The following ITGA4 variants were observed in gnomAD, a reference collection of about 807,000 sequenced individuals.
ITGA4 encodes integrin alpha-4.
A neutral mutation model predicts 133.6 loss-of-function variants in ITGA4; 63 were observed. That is an observed-to-expected ratio of 0.47 (90% CI 0.38 to 0.58). The LOEUF is 0.58. Ranked by LOEUF, ITGA4 falls within the 20% of genes least tolerant of loss-of-function variation. The pLI, the probability that ITGA4 is intolerant of heterozygous loss-of-function variation, is 0.00. For synonymous variants in ITGA4, 483 were observed against 438.0 expected, an observed-to-expected ratio of 1.10 and a Z score of -1.28; for missense variants, 1,076 against 1,252.7, an observed-to-expected ratio of 0.86 and a Z score of 2.13.
At chr2:181,467,240 GT>G (rs1307116247) in intron 2 of ITGA4, among the ~76,000 whole-genome samples, 1 of 150,896 alleles carries the variant, frequency 6.6e-6, no homozygotes, top group Non-Finnish European at 1.5e-5. Context: ...AAAAAAGACA[GT>G]TGGTGGAAGG....
chr2:181,526,821 C>CTTTGTTGTTTTTTTTTTTTTT (rs1686838817), intron 21 of ITGA4, among the ~76,000 whole-genome samples: 1 of 40,994 alleles, frequency 2.4e-5, no homozygotes, highest in East Asian at 9.2e-4. Context: ...AGCACATGGC[C>CTTTGTTGTTTTTTTTTTTTTT]TTTTTTTTTT....
At position 181,536,942 on chromosome 2, in the gene ITGA4, G is replaced by T. The variant is rs1035779710; in HGVS notation, c.*1415G>T. 1 of 453,482 alleles carries T rather than the reference G, an allele frequency of 2.2e-6. No homozygotes were observed. The highest frequency in any genetic ancestry group is 4.4e-6 in the Non-Finnish European group (1 of 226,546). The allele number at this position is 453,482 out of a possible 1,614,324, so 28.1% of individuals were successfully genotyped here. On this transcript the variant is annotated 3_prime_UTR_variant, in exon 28 of 28. Coordinates refer to ENST00000397033, the MANE Select transcript of ITGA4 (RefSeq NM_000885.6). ...AATTCTGGGAAAGATTTCTTTATAT[G>T]AAGTCCCTGCCACTAGCCAGCCATC...
chr2:181,476,373 G>A (rs935383840), intron 4 of ITGA4, among the ~76,000 whole-genome samples: 11 of 152,062 alleles, frequency 7.2e-5, no homozygotes, highest in African/African-American at 2.7e-4. Context: ...TAAAATACAG[G>A]ATCAGGTAAG....
chr2:181,533,049 A>G (rs933153237), intron 25 of ITGA4, among the ~76,000 whole-genome samples: 15 of 148,190 alleles, frequency 1.0e-4, no homozygotes, highest in African/African-American at 3.5e-4. Flanking sequence ...CAACAACAAA[A>G]ACATATTTAA....
Position 181,498,759 on chromosome 2 carries a change from A to C in ITGA4, c.1677A>C (p.Thr559=). 1 of 1,603,228 alleles carries C rather than the reference A, an allele frequency of 6.2e-7. No individual in the cohort carries two copies. Among genetic ancestry groups the C allele is most frequent in the Non-Finnish European group, 8.5e-7 (1 of 1,175,424 alleles). The change falls in exon 15 of 28, where the codon ACA becomes ACC. Residue 559 remains threonine, a synonymous_variant. Transcript: ENST00000397033. The part of the protein sequence containing the change: ...QVSSREANCR[T]HQAFMRKDVR... ...CCAGCAGAGAAGCTAACTGTAGAAC[A>C]CATCAAGCATTTATGCGGGTAATGT...
chr2:181,496,424 C>T (rs1413609144), intron 14 of ITGA4, among the ~76,000 whole-genome samples: 3 of 151,462 alleles, frequency 2.0e-5, no homozygotes, highest in African/African-American at 4.9e-5. Context: ...GACCCTGTCT[C>T]AAAAAAATAA....
chr2:181,465,947 T>C (rs913890928), intron 2 of ITGA4, among the ~76,000 whole-genome samples: 5 of 152,160 alleles, frequency 3.3e-5, no homozygotes, highest in African/African-American at 1.2e-4. Context: ...TTAATACATG[T>C]CTTTGCATGT....
intron 15 of ITGA4, among the ~76,000 whole-genome samples, chr2:181,500,392 C>A (rs954266672): frequency 5.3e-5 from 8 of 152,106 alleles, no homozygotes; most frequent in Non-Finnish European, 8.8e-5. Context: ...ATTGTACTTT[C>A]CCACCTCCAC....
intron 2 of ITGA4, among the ~76,000 whole-genome samples, chr2:181,460,528 AGT>A (rs987254175): frequency 1.4e-4 from 21 of 150,324 alleles, no homozygotes; most frequent in African/African-American, 3.2e-4. Flanking sequence ...AAGTTTCAAG[AGT>A]GTGTGTAAAT....
Position 181,523,199 on chromosome 2 carries a change from T to C in ITGA4, c.2074-238T>C, listed in dbSNP as rs1574410620. 1.2e-5 allele frequency: 4 copies of C among 323,022 alleles called. No individual in the cohort carries two copies. The highest frequency in any genetic ancestry group is 1.8e-5 in the Non-Finnish European group (3 of 168,572). The allele number at this position is 323,022 out of a possible 1,614,324, so 20.0% of individuals were successfully genotyped here. ...ACACACATACACATACACATATATATACACACACATATATACACACATATA... is the reference window on the plus strand; with the variant it reads ...ACACACATACACATACACATATATACACACACACATATATACACACATATA... On this transcript the variant is annotated intron_variant, in intron 18 of 27. Transcript: ENST00000397033. The surrounding 1 kb of genome is among the most constrained non-coding windows in gnomAD (Gnocchi z 4.2).
chr2:181,535,717 G>A lies in ITGA4; in HGVS notation c.*190G>A. On this transcript the variant is annotated 3_prime_UTR_variant, in exon 28 of 28. Transcript: ENST00000397033. ...CTCTTTGAGATAGAAGAACTGCAAA[G>A]GTAATAATACAGCCAAAGATAATCT... is the stretch of plus-strand genomic sequence containing the variant. The A allele has an allele frequency of 1.7e-6, 1 of 572,240 alleles. No individual in the cohort carries two copies. Among genetic ancestry groups the A allele is most frequent in the Admixed American group, 3.6e-5 (1 of 27,578 alleles). 35.4% of individuals were successfully genotyped at this position (572,240 alleles called of 1,614,324 possible). A position where few individuals can be genotyped will look rare whatever the true frequency, so the allele number is the denominator to read the frequency against.
chr2:181,504,044 A>G (rs750021295), intron 15 of ITGA4, among the ~76,000 whole-genome samples: 21 of 152,074 alleles, frequency 1.4e-4, no homozygotes, highest in Non-Finnish European at 2.5e-4. Flanking sequence ...CTGCATCAAA[A>G]TATCCACTGA....
rs183875676 is a variant in ITGA4 at position 181,472,539 on chromosome 2, G to A, written c.320-2421G>A. On this transcript the variant is annotated intron_variant, in intron 2 of 27. Transcript: ENST00000397033. ...TCATAAAAATTTTAGTATTTTCAGAGGGAACTTATTAACATGGCTATTGTA... is the reference window on the plus strand; with the variant it reads ...TCATAAAAATTTTAGTATTTTCAGAAGGAACTTATTAACATGGCTATTGTA... Among the ~76,000 whole-genome samples the A allele has an allele frequency of 1.7e-4, 26 of 152,180 alleles. 1 individual carries two copies. The highest frequency in any genetic ancestry group is 3.4e-3 in the Middle Eastern group (1 of 294).
chr2:181,537,899 T>G lies in ITGA4; in HGVS notation c.*2372T>G, dbSNP rs377448071. 1 of 560,014 alleles carries G rather than the reference T, an allele frequency of 1.8e-6. No individual in the cohort carries two copies. The highest frequency in any genetic ancestry group is 1.5e-5 in the South Asian group (1 of 65,374). The allele number at this position is 560,014 out of a possible 1,614,324, so 34.7% of individuals were successfully genotyped here. ...GTTAGAGCAATGGAGCATTACTGAG[T>G]TCCTCCCCCTGTCAGATCAGCAGCA... On this transcript the variant is annotated 3_prime_UTR_variant, in exon 28 of 28. Coordinates refer to ENST00000397033, the MANE Select transcript of ITGA4 (RefSeq NM_000885.6).
rs76820163 is a variant in ITGA4 at position 181,485,545 on chromosome 2, A to C, written c.1042-336A>C. On this transcript the variant is annotated intron_variant, in intron 9 of 27. Transcript: ENST00000397033. ...TGCACACACTGCCTTGCCCCTTTTC[A>C]CCTTTTCGCTCTTTGCACAGTGTGT... Among the ~76,000 whole-genome samples, 1,226 of 152,194 alleles carry C rather than the reference A, an allele frequency of 8.1e-3. 15 individuals carry two copies. Among genetic ancestry groups the C allele is most frequent in the African/African-American group, 0.025 (1,053 of 41,528 alleles).
chr2:181,534,602 G>A (rs919559991), intron 26 of ITGA4, among the ~76,000 whole-genome samples: 5 of 148,952 alleles, frequency 3.4e-5, no homozygotes, highest in African/African-American at 1.2e-4. Context: ...GAATAGATTG[G>A]AGGAAAAGTC....
At chr2:181,527,225 C>A in intron 21 of ITGA4, 72 bp from the exon 22 acceptor site, 1 of 867,042 alleles carries the variant, frequency 1.2e-6, no homozygotes, top group Non-Finnish European at 1.9e-6. Context: ...ATAATCCAGA[C>A]TATAGAAAAA....
chr2:181,535,128 G>C (rs1220198799), intron 27 of ITGA4, among the ~76,000 whole-genome samples, 193 bp downstream of exon 27: 1 of 151,610 alleles, frequency 6.6e-6, no homozygotes, highest in Non-Finnish European at 1.5e-5. Context: ...AATTTGTTTT[G>C]AAAGACAGAC....
intron 16 of ITGA4, among the ~76,000 whole-genome samples, chr2:181,511,271 A>T (rs1316866845): frequency 1.3e-5 from 2 of 152,092 alleles, no homozygotes; most frequent in African/African-American, 4.8e-5. Context: ...CATGTAGCTA[A>T]TTTCAATGAA....
Sources: allele counts gnomAD v4.1 joint callset (sites outside exome capture counted in the v4.1 genomes callset), GRCh38; gene constraint gnomAD v4.1.1; non-coding constraint Gnocchi (gnomAD v3.1); transcripts MANE v1.5; gene names NCBI Gene and HGNC (gene_info 2026-07-23, HGNC 2026-07-21).